Variants in STXBP5L observed in about 807,000 individuals in gnomAD.
The protein encoded by STXBP5L is syntaxin binding protein 5L.
A neutral mutation model predicts 144.5 loss-of-function variants in STXBP5L; 65 were observed. The observed-to-expected ratio is 0.45, with a 90% CI of 0.37 to 0.55. The LOEUF (loss-of-function observed/expected upper bound fraction) is 0.55, where lower values mean the gene tolerates loss of function less well. Ranked by LOEUF, STXBP5L falls within the 20% of genes least tolerant of loss-of-function variation. The pLI is 0.00. For synonymous variants in STXBP5L, 505 were observed against 469.6 expected (o/e 1.08, Z -0.97); for missense variants, 1,298 against 1,405.5 (o/e 0.92, Z 1.22).
intron 3 of STXBP5L, among the ~76,000 whole-genome samples, chr3:121,020,128 A>G (rs1472123085): frequency 1.3e-5 from 2 of 152,198 alleles, no homozygotes; most frequent in Non-Finnish European, 2.9e-5. Context: ...AAATTACAAA[A>G]TGCACTGGAA....
At chr3:121,009,707 A>G (rs1490218377) in intron 3 of STXBP5L, among the ~76,000 whole-genome samples, 1 of 151,994 alleles carries the variant, frequency 6.6e-6, no homozygotes, top group Non-Finnish European at 1.5e-5. Context: ...ATATGAACTT[A>G]GTTGGGCCTA....
chr3:121,161,413 C>T (rs1475010198), intron 9 of STXBP5L, among the ~76,000 whole-genome samples: 1 of 151,852 alleles, frequency 6.6e-6, no homozygotes, highest in Non-Finnish European at 1.5e-5. Context: ...AATTTTGCTT[C>T]CTCTTTATAT....
intron 8 of STXBP5L, among the ~76,000 whole-genome samples, chr3:121,154,172 C>A (rs2046036482): frequency 6.6e-6 from 1 of 151,566 alleles, no homozygotes; most frequent in Non-Finnish European, 1.5e-5. Context: ...GTAATTTATA[C>A]CTAGAAGTTA....
At chr3:121,268,218 C>A (rs1448730772) in intron 18 of STXBP5L, among the ~76,000 whole-genome samples, 2 of 152,140 alleles carry the variant, frequency 1.3e-5, no homozygotes, top group Non-Finnish European at 2.9e-5. Context: ...CCATGGAATA[C>A]TATGCAGCCA....
chr3:121,120,465 A>G (rs763229451), intron 6 of STXBP5L, among the ~76,000 whole-genome samples: 1 of 151,314 alleles, frequency 6.6e-6, no homozygotes, highest in African/African-American at 2.4e-5. Context: ...ATCAATCATA[A>G]TACATACTAT....
chr3:121,013,512 A>T (rs1162219328), intron 3 of STXBP5L, among the ~76,000 whole-genome samples: 1 of 151,912 alleles, frequency 6.6e-6, no homozygotes, highest in African/African-American at 2.4e-5. Flanking sequence ...GTGTCTGTTC[A>T]TGATCTTTGC....
At chr3:121,029,577 C>T (rs1271409037) in intron 3 of STXBP5L, among the ~76,000 whole-genome samples, 1 of 151,948 alleles carries the variant, frequency 6.6e-6, no homozygotes, top group Non-Finnish European at 1.5e-5. Context: ...CCATGAAAAC[C>T]CTAGAGGAAA....
chr3:121,240,345 A>G, intron 13 of STXBP5L, 95 bp from the exon 14 acceptor site: 1 of 1,161,668 alleles, frequency 8.6e-7, no homozygotes, highest in East Asian at 2.5e-5. Flanking sequence ...ATTTTTCTTT[A>G]AGTGAGCTTT....
chr3:121,360,656 A>G (rs1176854116), intron 20 of STXBP5L, among the ~76,000 whole-genome samples: 1 of 152,156 alleles, frequency 6.6e-6, no homozygotes, highest in Non-Finnish European at 1.5e-5. Flanking sequence ...GCATAAACCA[A>G]CAGTGAAAAA....
At position 121,151,901 on chromosome 3, in the gene STXBP5L, T is replaced by A. The variant is rs144587894; in HGVS notation, c.670-576T>A. Among the ~76,000 whole-genome samples, 702 of 152,120 alleles carry A rather than the reference T, an allele frequency of 4.6e-3. 9 individuals carry two copies. The highest frequency in any genetic ancestry group is 0.016 in the African/African-American group (654 of 41,574). ...TTATAATCATGATATGTTCTAAAAT[T>A]CTTCTATTTTAAAGAAATATTTTAT... On this transcript the variant is annotated intron_variant, in intron 7 of 26. Transcript: ENST00000471454.
At chr3:120,995,057 G>T (rs1943231354) in intron 3 of STXBP5L, among the ~76,000 whole-genome samples, 2 of 152,000 alleles carry the variant, frequency 1.3e-5, no homozygotes, top group Non-Finnish European at 1.5e-5. Flanking sequence ...TTTAAAAATT[G>T]ATATATTAAG....
chr3:121,323,631 C>A (rs2044049575), intron 20 of STXBP5L, among the ~76,000 whole-genome samples: 1 of 152,154 alleles, frequency 6.6e-6, no homozygotes, highest in Non-Finnish European at 1.5e-5. Flanking sequence ...GTTTCTACAG[C>A]TAGACATTAT....
At chr3:121,016,589 G>A (rs950139297) in intron 3 of STXBP5L, among the ~76,000 whole-genome samples, 5 of 152,164 alleles carry the variant, frequency 3.3e-5, no homozygotes, top group African/African-American at 1.2e-4. Context: ...GGGTGGGCTG[G>A]TGAATAGAAT....
chr3:121,135,545 G>T (rs1316420738), intron 7 of STXBP5L, among the ~76,000 whole-genome samples: 2 of 152,168 alleles, frequency 1.3e-5, no homozygotes, highest in Non-Finnish European at 2.9e-5. Context: ...TCAGGAATTA[G>T]ATACTCACAA....
At chr3:121,113,023 T>C (rs1030898403) in intron 5 of STXBP5L, among the ~76,000 whole-genome samples, 2 of 152,180 alleles carry the variant, frequency 1.3e-5, no homozygotes, top group Non-Finnish European at 2.9e-5. Flanking sequence ...CCACTACTCA[T>C]CAGTTGGACA....
At chr3:121,385,727 AT>A (rs1350373052) in intron 22 of STXBP5L, among the ~76,000 whole-genome samples, 1 of 152,020 alleles carries the variant, frequency 6.6e-6, no homozygotes, top group Non-Finnish European at 1.5e-5. Context: ...TATTTTCATC[AT>A]TGAATTTTCA....
At chr3:121,279,662 CAT>C in intron 18 of STXBP5L, 141 bp from the exon 19 acceptor site, 1 of 824,228 alleles carries the variant, frequency 1.2e-6, no homozygotes, top group Non-Finnish European at 1.9e-6. Flanking sequence ...AAAGGCAAGG[CAT>C]CCTTCTTGAC....
intron 7 of STXBP5L, among the ~76,000 whole-genome samples, chr3:121,135,432 A>G (rs2107915630): frequency 6.6e-6 from 1 of 152,264 alleles, no homozygotes; most frequent in Non-Finnish European, 1.5e-5. Context: ...TATACAAGTC[A>G]CCATAATGTA....
chr3:121,340,958 ATAT>A (rs1452008925), intron 20 of STXBP5L, among the ~76,000 whole-genome samples: 2 of 152,230 alleles, frequency 1.3e-5, no homozygotes, highest in Admixed American at 1.3e-4. Flanking sequence ...GGATTATAAG[ATAT>A]TATTTGCAAG....
Sources: allele counts gnomAD v4.1 joint callset (sites outside exome capture counted in the v4.1 genomes callset), GRCh38; gene constraint gnomAD v4.1.1; transcripts MANE v1.5; gene names NCBI Gene and HGNC (gene_info 2026-07-23, HGNC 2026-07-21).